The following KDM4C variants were observed in gnomAD, a reference collection of about 807,000 sequenced individuals.
KDM4C encodes lysine-specific demethylase 4C.
KDM4C carries 81 observed loss-of-function variants against 129.3 expected under a neutral mutation model. The observed-to-expected ratio is 0.63, with a 90% CI of 0.52 to 0.75. The LOEUF (loss-of-function observed/expected upper bound fraction) is 0.75. Among genes scored for constraint, KDM4C ranks in the 30% least tolerant of loss-of-function variants. The probability of loss-of-function intolerance (pLI) is 0.00; values close to 1 mark genes in which losing one functional copy is unlikely to be tolerated. For missense variants in KDM4C, 1,457 were observed against 1,304.0 expected, an observed-to-expected ratio of 1.12 and a Z score of -1.81; for synonymous variants, 573 against 456.1, an observed-to-expected ratio of 1.26 and a Z score of -3.26.
chr9:6,757,632 T>C (rs899840975), upstream of KDM4C: 2 of 985,330 alleles, frequency 2.0e-6, no homozygotes, highest in Non-Finnish European at 2.4e-6. Context: ...CGTCCGCGCG[T>C]CGGAGGCCGC....
At chr9:6,947,491 G>A (rs887003466) in intron 8 of KDM4C, among the ~76,000 whole-genome samples, 1 of 151,778 alleles carries the variant, frequency 6.6e-6, no homozygotes, top group African/African-American at 2.4e-5. Flanking sequence ...TCTTTATTCA[G>A]CATTTTGTTT....
chr9:7,174,912 G>C lies in KDM4C; in HGVS notation c.*183G>C. 2 of 510,066 alleles carry C rather than the reference G, an allele frequency of 3.9e-6. No homozygotes were observed. The highest frequency in any genetic ancestry group is 5.7e-5 in the East Asian group (2 of 35,026). The allele number at this position is 510,066 out of a possible 1,614,324, so 31.6% of individuals were successfully genotyped here. ...ACAAAATACACCCAATGAATTGGAC[G>C]CAGCAATCTGAAATCATCTCTAGTC... is the stretch of plus-strand genomic sequence containing the variant. On this transcript the variant is annotated 3_prime_UTR_variant, in exon 22 of 22. Transcript: ENST00000381309.
intron 12 of KDM4C, among the ~76,000 whole-genome samples, chr9:6,997,669 A>G (rs1393731953): frequency 2.6e-5 from 4 of 152,144 alleles, no homozygotes; most frequent in Non-Finnish European, 4.4e-5. Context: ...TTTGTGCTTT[A>G]TATGTTTTTT....
At chr9:6,835,374 C>G in intron 4 of KDM4C, 1 of 1,092,768 alleles carries the variant, frequency 9.2e-7, no homozygotes, top group Non-Finnish European at 1.4e-6. Flanking sequence ...TGTACCCTAG[C>G]GTTGCCAACA....
intron 8 of KDM4C, among the ~76,000 whole-genome samples, chr9:6,917,322 C>T (rs2131153158): frequency 6.6e-6 from 1 of 152,328 alleles, no homozygotes; most frequent in South Asian, 2.1e-4. Flanking sequence ...CAAACTGTAG[C>T]ATGCACTTGG....
intron 2 of KDM4C, among the ~76,000 whole-genome samples, chr9:6,795,084 C>G (rs1827467895): frequency 6.6e-6 from 1 of 152,174 alleles, no homozygotes; most frequent in Non-Finnish European, 1.5e-5. Context: ...TGAGTCCTGA[C>G]AGAGTCTGCT....
At chr9:6,733,601 A>G (rs192640286) in intron 1 of KDM4C, among the ~76,000 whole-genome samples, 9 of 152,294 alleles carry the variant, frequency 5.9e-5, no homozygotes, top group East Asian at 1.9e-4. Context: ...CCTGGTATAC[A>G]TGTTACAGGA....
intron 8 of KDM4C, among the ~76,000 whole-genome samples, chr9:6,909,575 G>T (rs546844250): frequency 9.2e-5 from 14 of 152,034 alleles, no homozygotes; most frequent in African/African-American, 2.4e-4. Context: ...TAAATGCTGT[G>T]TCCAAAATTA....
chr9:6,906,894 A>G lies in KDM4C; in HGVS notation c.921+13662A>G, dbSNP rs566246203. Among the ~76,000 whole-genome samples the G allele has an allele frequency of 2.6e-5, 4 of 152,366 alleles. No homozygotes were observed. In the East Asian group the frequency reaches 5.8e-4, roughly 22 times the overall value. On this transcript the variant is annotated intron_variant, in intron 8 of 21. Coordinates refer to ENST00000381309, the MANE Select transcript of KDM4C (RefSeq NM_015061.6). ...ATGGCAAAAATGAAAACAGCATTGC[A>G]TAGTATTGTTTATTTATATGGGTGA... is the stretch of plus-strand genomic sequence containing the variant.
chr9:6,778,184 G>A (rs1588198893), intron 1 of KDM4C, among the ~76,000 whole-genome samples: 1 of 151,416 alleles, frequency 6.6e-6, no homozygotes, highest in Non-Finnish European at 1.5e-5. Flanking sequence ...CTGCCTCCTG[G>A]GTTCAAGCAA....
chr9:6,886,059 A>G (rs146835741), intron 6 of KDM4C, among the ~76,000 whole-genome samples: 69 of 152,326 alleles, frequency 4.5e-4, no homozygotes, highest in African/African-American at 1.5e-3. Context: ...TGATGGATCC[A>G]TTTGAATTGT....
At chr9:6,846,255 A>C (rs1355238016) in intron 4 of KDM4C, among the ~76,000 whole-genome samples, 1 of 152,240 alleles carries the variant, frequency 6.6e-6, no homozygotes, top group Non-Finnish European at 1.5e-5. Context: ...GTTAATCATT[A>C]CCATCTACTT....
chr9:6,736,331 T>TG (rs1563917853), intron 1 of KDM4C, among the ~76,000 whole-genome samples: 1 of 151,974 alleles, frequency 6.6e-6, no homozygotes, highest in Non-Finnish European at 1.5e-5. Flanking sequence ...CCCAAGACAA[T>TG]GGGGAAAATG....
At chr9:6,898,263 G>T (rs1816778966) in intron 8 of KDM4C, among the ~76,000 whole-genome samples, 1 of 152,122 alleles carries the variant, frequency 6.6e-6, no homozygotes, top group Non-Finnish European at 1.5e-5. Context: ...CACTATGATT[G>T]TCTCGAAGGG....
intron 1 of KDM4C, among the ~76,000 whole-genome samples, chr9:6,750,867 G>A (rs1472208331): frequency 6.6e-6 from 1 of 152,148 alleles, no homozygotes; most frequent in Non-Finnish European, 1.5e-5. Context: ...TTTTGCCTGG[G>A]CTTGCTCTTG....
intron 1 of KDM4C, among the ~76,000 whole-genome samples, chr9:6,740,455 G>C (rs935504712): frequency 6.6e-6 from 1 of 151,186 alleles, no homozygotes; most frequent in Non-Finnish European, 1.5e-5. Context: ...CGCCCACCTC[G>C]GCCTCCCAAA....
rs115920044 is a variant in KDM4C, at chr9:7,008,479, C to G, written c.1787-3219C>G. ...AAGACAACCCCCACAGACCCAGGCTCCAAGCTGGTCCCCTGGTCTAGGATG... is the reference window on the plus strand; with the variant it reads ...AAGACAACCCCCACAGACCCAGGCTGCAAGCTGGTCCCCTGGTCTAGGATG... On this transcript the variant is annotated intron_variant, in intron 12 of 21. Coordinates refer to ENST00000381309, the MANE Select transcript of KDM4C (RefSeq NM_015061.6). Among the ~76,000 whole-genome samples the G allele has an allele frequency of 3.4e-3, 517 of 152,328 alleles. 2 individuals are homozygous for G. The highest frequency in any genetic ancestry group is 0.012 in the African/African-American group (482 of 41,576).
At chr9:6,965,564 TA>T (rs1312916556) in intron 8 of KDM4C, among the ~76,000 whole-genome samples, 1 of 152,204 alleles carries the variant, frequency 6.6e-6, no homozygotes, top group East Asian at 1.9e-4. Context: ...CTGCAGTCAA[TA>T]AGTTGAATAC....
At chr9:6,870,847 G>A (rs952697548) in intron 5 of KDM4C, among the ~76,000 whole-genome samples, 2 of 152,110 alleles carry the variant, frequency 1.3e-5, no homozygotes, top group African/African-American at 2.4e-5. Flanking sequence ...GGAGTATAGG[G>A]CAGGCTTGTT....
Sources: gnomAD v4.1 joint callset for allele counts (sites outside exome capture counted in the v4.1 genomes callset) on GRCh38, gnomAD v4.1.1 for gene constraint, MANE v1.5 for transcripts, NCBI Gene and HGNC (gene_info 2026-07-23, HGNC 2026-07-21) for gene names.